NRDC: variants seen among roughly 807,000 people sequenced by gnomAD.
NRDC encodes the protein nardilysin convertase.
In NRDC, 54 loss-of-function variants were observed where a neutral mutation model predicts 147.1. The ratio of observed to expected loss-of-function variants is 0.37; its 90% CI spans 0.29 to 0.46. The LOEUF is 0.46. Ranked by LOEUF, NRDC falls within the 20% of genes least tolerant of loss-of-function variation. The probability of loss-of-function intolerance (pLI) is 1.00; values close to 1 mark genes in which losing one functional copy is unlikely to be tolerated. For synonymous variants in NRDC, 440 were observed against 482.1 expected (o/e 0.91, Z 1.14); for missense variants, 1,082 against 1,370.6 (o/e 0.79, Z 3.33).
chr1:51,820,795 C>G (rs1396697117), intron 8 of NRDC, among the ~76,000 whole-genome samples: 1 of 152,150 alleles, frequency 6.6e-6, no homozygotes, highest in African/African-American at 2.4e-5. Context: ...GAAAAAATAT[C>G]TGTTTTCATT....
chr1:51,867,340 A>C (rs1008013226), intron 1 of NRDC, among the ~76,000 whole-genome samples: 1 of 152,220 alleles, frequency 6.6e-6, no homozygotes, highest in African/African-American at 2.4e-5. Context: ...CCTTGTGATG[A>C]AACATTCCAG....
At chr1:51,827,440 GT>G (rs994983305) in intron 5 of NRDC, among the ~76,000 whole-genome samples, 1 of 152,160 alleles carries the variant, frequency 6.6e-6, no homozygotes, top group African/African-American at 2.4e-5. Flanking sequence ...ATATTTATTG[GT>G]ACTATGTAAT....
At chr1:51,843,616 C>T (rs978141757) in intron 1 of NRDC, among the ~76,000 whole-genome samples, 5 of 152,136 alleles carry the variant, frequency 3.3e-5, no homozygotes, top group Non-Finnish European at 7.4e-5. Flanking sequence ...TACATGTTAA[C>T]AAACTTATAT....
Position 51,840,524 on chromosome 1 carries a change from G to GAAAA in NRDC, c.342-14_342-11dup. On this transcript the variant is annotated splice_polypyrimidine_tract_variant and intron_variant, in intron 1 of 30. Transcript: ENST00000352171. The stretch of plus-strand genomic sequence containing the variant: ...CTGTAATTTGATGTATCTGGGGGGA[G>GAAAA]AAAAAAAAAATCACACATTTTGATT... 6.8e-7 allele frequency: 1 copy of GAAAA among 1,465,106 alleles called. No individual in the cohort carries two copies. The highest frequency in any genetic ancestry group is 2.2e-5 in the Admixed American group (1 of 44,744). The allele number at this position is 1,465,106 out of a possible 1,614,324, so 90.8% of individuals were successfully genotyped here.
chr1:51,863,270 C>T (rs771531813), intron 1 of NRDC, among the ~76,000 whole-genome samples: 2 of 151,826 alleles, frequency 1.3e-5, no homozygotes, highest in Non-Finnish European at 2.9e-5. Flanking sequence ...GGCATGGTGG[C>T]GTACGTCTGT....
chr1:51,805,737 TAA>T (rs966230991), intron 18 of NRDC, among the ~76,000 whole-genome samples, 176 bp from the exon 19 acceptor site: 5 of 152,126 alleles, frequency 3.3e-5, no homozygotes, highest in Admixed American at 6.5e-5. Flanking sequence ...CCATTCCAAA[TAA>T]AGAGTTCCAA....
intron 1 of NRDC, among the ~76,000 whole-genome samples, chr1:51,846,357 A>G (rs1249290558): frequency 2.0e-5 from 3 of 151,866 alleles, no homozygotes; most frequent in African/African-American, 7.3e-5. Context: ...CAAGTGATCC[A>G]CCCGCCTCGG....
chr1:51,812,961 CAAA>C (rs5774107), intron 14 of NRDC, among the ~76,000 whole-genome samples: 7 of 71,810 alleles, frequency 9.7e-5, no homozygotes, highest in East Asian at 9.2e-4. Flanking sequence ...GACTCTGTCT[CAAA>C]AAAAAAAAAA....
intron 1 of NRDC, among the ~76,000 whole-genome samples, chr1:51,865,566 G>A (rs1324962016): frequency 1.3e-5 from 2 of 152,038 alleles, no homozygotes; most frequent in Non-Finnish European, 2.9e-5. Context: ...GCTTCCCAAA[G>A]TGCTGGAATT....
intron 4 of NRDC, among the ~76,000 whole-genome samples, chr1:51,830,034 G>A (rs1051519260): frequency 1.2e-4 from 17 of 141,420 alleles, no homozygotes; most frequent in East Asian, 2.0e-4. Flanking sequence ...GCACTATCTC[G>A]GCTCACTGCA....
chr1:51,862,088 T>C (rs762885136), intron 1 of NRDC: 10 of 152,214 alleles, frequency 6.6e-5, no homozygotes, highest in Non-Finnish European at 1.0e-4. Flanking sequence ...CTTTGGACCA[T>C]GGAGTTCATT....
intron 1 of NRDC, among the ~76,000 whole-genome samples, chr1:51,863,777 A>G (rs1484160825): frequency 2.0e-5 from 3 of 152,258 alleles, no homozygotes; most frequent in Non-Finnish European, 4.4e-5. Context: ...AAATATGAGA[A>G]GAATCTAATA....
chr1:51,842,040 C>A lies in NRDC; in HGVS notation c.342-1526G>T, dbSNP rs1191608521. Among the ~76,000 whole-genome samples the A allele has an allele frequency of 2.6e-5, 4 of 152,102 alleles. No individual in the cohort carries two copies. The East Asian group carries it at 7.7e-4, about 29-fold the overall frequency. On this transcript the variant is annotated intron_variant, in intron 1 of 30. Transcript: ENST00000352171. The stretch of plus-strand genomic sequence containing the variant: ...ACAAAAAATTAGCCTGGCATGGTGG[C>A]ATGCGCCTGTAGTCCCATCTACTTA...
intron 1 of NRDC, among the ~76,000 whole-genome samples, chr1:51,867,797 A>C (rs906779843): frequency 1.3e-5 from 2 of 152,228 alleles, no homozygotes; most frequent in Admixed American, 6.5e-5. Flanking sequence ...AGAATAATGG[A>C]AACAGATGAA....
chr1:51,836,176 C>T lies in NRDC; in HGVS notation c.667G>A (p.Ala223Thr), dbSNP rs747782025. ...AGCCCCGGCAGGTCATCTGGATCAGCGAAACTCCCAACTCCAACACAAAGA... is the reference window on the plus strand; with the variant it reads ...AGCCCCGGCAGGTCATCTGGATCAGTGAAACTCCCAACTCCAACACAAAGA... ...AALCVGVGSF[A>T]DPDDLPGLAH... The change falls in exon 3 of 31, where the codon GCT (alanine) becomes ACT (threonine). Residue 223 changes from alanine to threonine, a missense_variant. Ala to Thr is a moderately conservative substitution (Grantham distance 58). This residue lies in a region of NRDC where 635 missense variants were observed against 923.8 expected (regional missense o/e 0.69). Coordinates refer to ENST00000352171, the MANE Select transcript of NRDC (RefSeq NM_001101662.2). The T allele has an allele frequency of 7.4e-6, 12 of 1,614,012 alleles. No homozygotes were observed. The highest frequency in any genetic ancestry group is 6.7e-5 in the East Asian group (3 of 44,884).
chr1:51,791,291 G>C (rs1276847158), intron 27 of NRDC, among the ~76,000 whole-genome samples: 6 of 152,170 alleles, frequency 3.9e-5, no homozygotes, highest in Non-Finnish European at 8.8e-5. Flanking sequence ...ATGCCTGTCA[G>C]ATCAGGCATC....
At chr1:51,849,291 G>A (rs931783801) in intron 1 of NRDC, among the ~76,000 whole-genome samples, 3 of 151,898 alleles carry the variant, frequency 2.0e-5, no homozygotes, top group South Asian at 2.1e-4. Flanking sequence ...CCAGCTATAC[G>A]GGAGGCTGAG....
chr1:51,808,743 G>A (rs922298898), intron 17 of NRDC, among the ~76,000 whole-genome samples: 1 of 152,174 alleles, frequency 6.6e-6, no homozygotes, highest in African/African-American at 2.4e-5. Flanking sequence ...AGCTTTCAAT[G>A]ATTTTTTTCT....
At chr1:51,851,343 TG>T (rs1681937804) in intron 1 of NRDC, among the ~76,000 whole-genome samples, 1 of 151,804 alleles carries the variant, frequency 6.6e-6, no homozygotes, top group Non-Finnish European at 1.5e-5. Context: ...AATCACAATT[TG>T]ATTGTGATTT....
Sources: gnomAD v4.1 joint callset for allele counts (sites outside exome capture counted in the v4.1 genomes callset) on GRCh38, gnomAD v4.1.1 for gene constraint, gnomAD v4.1.1 regional missense constraint, MANE v1.5 for transcripts, NCBI Gene and HGNC (gene_info 2026-07-23, HGNC 2026-07-21) for gene names.